The following SCN2A variants were observed in gnomAD, a reference collection of about 807,000 sequenced individuals.
The protein encoded by SCN2A is sodium voltage-gated channel alpha subunit 2.
A neutral mutation model predicts 188.7 loss-of-function variants in SCN2A; 20 were observed. The ratio of observed to expected loss-of-function variants is 0.11; its 90% CI spans 0.07 to 0.15. The LOEUF is 0.15. Ranked by LOEUF, SCN2A falls within the 10% of genes least tolerant of loss-of-function variation. The pLI is 1.00. For missense variants in SCN2A, 1,278 were observed against 2,445.0 expected, an observed-to-expected ratio of 0.52 and a Z score of 10.07; for synonymous variants, 804 against 833.1, an observed-to-expected ratio of 0.97 and a Z score of 0.60.
intron 1 of SCN2A, chr2:165,290,796 T>C: frequency 1.0e-6 from 1 of 984,998 alleles, no homozygotes; most frequent in Non-Finnish European, 1.2e-6. Flanking sequence ...GTAAGTATCT[T>C]GCCTGGCCAG....
At chr2:165,257,738 A>T (rs1278967443) in intron 1 of SCN2A, among the ~76,000 whole-genome samples, 1 of 152,058 alleles carries the variant, frequency 6.6e-6, no homozygotes, top group Non-Finnish European at 1.5e-5. Context: ...GGTTTTCACC[A>T]TGCTGGCCAG....
At chr2:165,329,471 G>C (rs1306493105) in intron 13 of SCN2A, among the ~76,000 whole-genome samples, 5 of 152,046 alleles carry the variant, frequency 3.3e-5, no homozygotes, top group African/African-American at 1.2e-4. Flanking sequence ...TAAAGTGTGA[G>C]ATTCCCCCCT....
At chr2:165,383,241 G>A (rs1475166968) in intron 25 of SCN2A, among the ~76,000 whole-genome samples, 1 of 152,044 alleles carries the variant, frequency 6.6e-6, no homozygotes, top group Non-Finnish European at 1.5e-5. Flanking sequence ...GCTGATTAGG[G>A]GGAAGGGGCT....
chr2:165,293,738 T>C (rs750092183), intron 1 of SCN2A: 2 of 615,518 alleles, frequency 3.2e-6, no homozygotes, highest in Non-Finnish European at 4.1e-6. Context: ...AAGCATTATC[T>C]GTTAACAAAA....
At chr2:165,265,515 A>ATATATATATATATATATT (rs1188795670) in intron 1 of SCN2A, among the ~76,000 whole-genome samples, 1 of 115,474 alleles carries the variant, frequency 8.7e-6, no homozygotes, top group East Asian at 2.8e-4. Context: ...ATATATATAT[A>ATATATATATATATATATT]TTGCTGTGCA....
At position 165,310,489 on chromosome 2, in the gene SCN2A, T is replaced by G. The variant is rs1008008564; in HGVS notation, c.864T>G (p.Phe288Leu). Residue 288 changes from phenylalanine (F) to leucine (L), a missense_variant, in exon 7 of 27, where the codon TTT becomes TTG. Phe to Leu is a conservative substitution (Grantham distance 22). This residue lies in a region of SCN2A where 45 missense variants were observed against 58.1 expected (regional missense o/e 0.77). Coordinates refer to ENST00000375437, the MANE Select transcript of SCN2A (RefSeq NM_001040142.2). ...CLQWPPDNSSFEINITSFFNN... is the reference protein window; with the variant it reads ...CLQWPPDNSSLEINITSFFNN... ...AATGGCCTCCAGATAATTCTTCCTT[T>G]GAAATAAATATCACTTCCTTCTTTA... 62 of 1,613,446 alleles carry G rather than the reference T, an allele frequency of 3.8e-5. No homozygotes were observed. Among genetic ancestry groups the G allele is most frequent in the Non-Finnish European group, 5.0e-5 (59 of 1,179,598 alleles).
intron 12 of SCN2A, 128 bp downstream of exon 12, chr2:165,323,628 A>T: frequency 2.3e-6 from 2 of 874,580 alleles, no homozygotes; most frequent in South Asian, 3.0e-5. Flanking sequence ...TTGTTCAATC[A>T]AGCTGTTAAC....
At chr2:165,276,978 A>C (rs1695370980) in intron 1 of SCN2A, among the ~76,000 whole-genome samples, 1 of 152,196 alleles carries the variant, frequency 6.6e-6, no homozygotes, top group Non-Finnish European at 1.5e-5. Context: ...GATGGAGACC[A>C]TCCTGGCTAA....
chr2:165,293,891 G>A (rs1315437567), intron 1 of SCN2A: 2 of 984,124 alleles, frequency 2.0e-6, no homozygotes, highest in African/African-American at 1.8e-5. Flanking sequence ...ACAGTTCCCC[G>A]CCCTCTAGTG....
In SCN2A at chr2:165,390,274, A is replaced by G. The variant is rs920194840; in HGVS notation, c.*450A>G. The stretch of plus-strand genomic sequence containing the variant: ...TTTAATTCACAGGTTGTTTACTATT[A>G]TATGTGACTATTTTTGTAAATGGGT... On this transcript the variant is annotated 3_prime_UTR_variant, in exon 27 of 27. Coordinates refer to ENST00000375437, the MANE Select transcript of SCN2A (RefSeq NM_001040142.2). The G allele has an allele frequency of 3.9e-5, 7 of 180,324 alleles. No homozygotes were observed. The highest frequency in any genetic ancestry group is 1.1e-4 in the Admixed American group (2 of 18,338). The allele number at this position is 180,324 out of a possible 1,614,324, so 11.2% of individuals were successfully genotyped here. A position where few individuals can be genotyped will look rare whatever the true frequency, so the allele number is the denominator to read the frequency against.
chr2:165,249,087 G>A (rs1022766325), intron 1 of SCN2A, among the ~76,000 whole-genome samples: 1 of 152,034 alleles, frequency 6.6e-6, no homozygotes, highest in African/African-American at 2.4e-5. Context: ...TTTCTCTTGT[G>A]ACTTCATTGT....
At chr2:165,278,143 TA>T (rs557060778) in intron 1 of SCN2A, among the ~76,000 whole-genome samples, 12 of 152,202 alleles carry the variant, frequency 7.9e-5, no homozygotes, top group Non-Finnish European at 1.6e-4. Context: ...GAAAATAGCT[TA>T]AACAATACCC....
chr2:165,304,777 A>G (rs1697025668), intron 3 of SCN2A, among the ~76,000 whole-genome samples: 1 of 152,210 alleles, frequency 6.6e-6, no homozygotes, highest in Admixed American at 6.5e-5. Flanking sequence ...TATTATCCAA[A>G]TGGGGATAAT....
intron 17 of SCN2A, among the ~76,000 whole-genome samples, chr2:165,356,585 T>C (rs952800576): frequency 2.0e-5 from 3 of 152,228 alleles, no homozygotes; most frequent in African/African-American, 7.2e-5. Flanking sequence ...CACACATGTT[T>C]AGTTTTAGGC....
intron 1 of SCN2A, among the ~76,000 whole-genome samples, chr2:165,256,479 T>C (rs1694334260): frequency 6.6e-6 from 1 of 152,230 alleles, no homozygotes; most frequent in Non-Finnish European, 1.5e-5. Flanking sequence ...TTTTGCACCA[T>C]GTATATCTTT....
At chr2:165,323,031 C>T in intron 11 of SCN2A, 125 bp from the exon 12 acceptor site, 1 of 915,548 alleles carries the variant, frequency 1.1e-6, no homozygotes, top group Non-Finnish European at 1.7e-6. Flanking sequence ...CTTTCTTCCA[C>T]ATGTCCAATG....
chr2:165,373,207 G>A lies in SCN2A; in HGVS notation c.3850-18G>A. ...TTTTATATGTAAATAAGAAAATTGT[G>A]TTGCTTTTTCTGTATAGGTCTCACT... On this transcript the variant is annotated intron_variant, in intron 20 of 26. Coordinates refer to ENST00000375437, the MANE Select transcript of SCN2A (RefSeq NM_001040142.2). 1 of 1,612,384 alleles carries A rather than the reference G, an allele frequency of 6.2e-7. No homozygotes were observed. Among genetic ancestry groups the A allele is most frequent in the Non-Finnish European group, 8.5e-7 (1 of 1,178,608 alleles).
intron 16 of SCN2A, among the ~76,000 whole-genome samples, chr2:165,348,213 G>T (rs1699702489): frequency 6.6e-6 from 1 of 152,052 alleles, no homozygotes; most frequent in Non-Finnish European, 1.5e-5. Context: ...ACAAAAATTA[G>T]CCAGGCGTGA....
In SCN2A at chr2:165,342,325, G is replaced by A; in HGVS notation, c.2418G>A (p.Met806Ile). 6.2e-7 allele frequency: 1 copy of A among 1,613,922 alleles called. No individual in the cohort carries two copies. The highest frequency in any genetic ancestry group is 8.5e-7 in the Non-Finnish European group (1 of 1,179,902). The change falls in exon 15 of 27, where the codon ATG becomes ATA. Residue 806 changes from methionine (M) to isoleucine (I), a missense_variant. Transcript: ENST00000375437. ...TCACAGGGATCTTCACAGCAGAAAT[G>A]TTTCTCAAGATAATTGCCATGGATC... The part of the protein sequence containing the change: ...LVFTGIFTAE[M>I]FLKIIAMDPY...
Sources: allele counts gnomAD v4.1 joint callset (sites outside exome capture counted in the v4.1 genomes callset), GRCh38; gene constraint gnomAD v4.1.1; regional missense constraint gnomAD v4.1.1; transcripts MANE v1.5; gene names NCBI Gene and HGNC (gene_info 2026-07-23, HGNC 2026-07-21).